The following GRIK1 variants were observed in gnomAD, a reference collection of about 807,000 sequenced individuals.
The protein encoded by GRIK1 is glutamate ionotropic receptor kainate type subunit 1.
Under a neutral mutation model 105.7 loss-of-function variants are expected in GRIK1, and 69 were observed. The ratio of observed to expected loss-of-function variants is 0.65; its 90% CI spans 0.54 to 0.80. The LOEUF (loss-of-function observed/expected upper bound fraction) is 0.80. Among genes scored for constraint, GRIK1 ranks in the 30% least tolerant of loss-of-function variants. The pLI is 0.00. For synonymous variants in GRIK1, 438 were observed against 431.3 expected (o/e 1.02, Z -0.19); for missense variants, 1,109 against 1,167.3 (o/e 0.95, Z 0.73).
At chr21:29,882,802 A>G (rs2069470656) in intron 1 of GRIK1, among the ~76,000 whole-genome samples, 1 of 152,056 alleles carries the variant, frequency 6.6e-6, no homozygotes, top group South Asian at 2.1e-4. Context: ...ATTCTTGTTT[A>G]TCCTTTAAGT....
intron 5 of GRIK1, among the ~76,000 whole-genome samples, chr21:29,652,507 C>A (rs1031664003): frequency 1.3e-5 from 2 of 152,178 alleles, no homozygotes; most frequent in African/African-American, 4.8e-5. Context: ...TAAGGGAACC[C>A]ATTCCCTTGC....
chr21:29,663,915 A>G (rs1467655418), intron 4 of GRIK1, among the ~76,000 whole-genome samples: 2 of 152,190 alleles, frequency 1.3e-5, no homozygotes, highest in Non-Finnish European at 2.9e-5. Context: ...AGAGAGATCA[A>G]TTATATTAGT....
At chr21:29,928,506 T>C (rs1301884077) in intron 1 of GRIK1, among the ~76,000 whole-genome samples, 1 of 152,136 alleles carries the variant, frequency 6.6e-6, no homozygotes, top group Admixed American at 6.5e-5. Flanking sequence ...CAATTGGCCA[T>C]TCAAAGTGCC....
At chr21:29,674,618 A>G (rs763610296) in intron 3 of GRIK1, among the ~76,000 whole-genome samples, 1 of 151,950 alleles carries the variant, frequency 6.6e-6, no homozygotes, top group Non-Finnish European at 1.5e-5. Flanking sequence ...AATTCTCATG[A>G]GATCTGATGG....
chr21:29,640,075 C>A (rs2062479637), intron 7 of GRIK1, among the ~76,000 whole-genome samples: 6 of 151,924 alleles, frequency 3.9e-5, no homozygotes, highest in African/African-American at 1.4e-4. Flanking sequence ...GTCTTCACCC[C>A]ATAAATTCAA....
At chr21:29,586,395 G>A (rs916868587) in intron 12 of GRIK1, among the ~76,000 whole-genome samples, 2 of 152,156 alleles carry the variant, frequency 1.3e-5, no homozygotes, top group African/African-American at 4.8e-5. Flanking sequence ...CAGGGAAAGA[G>A]TTACCTGGCA....
chr21:29,868,186 T>C (rs958777516), intron 1 of GRIK1, among the ~76,000 whole-genome samples: 5 of 152,204 alleles, frequency 3.3e-5, no homozygotes, highest in Non-Finnish European at 5.9e-5. Context: ...AAGCATTGTA[T>C]AGCTTCCAGA....
intron 1 of GRIK1, among the ~76,000 whole-genome samples, chr21:29,719,081 C>CATAT (rs71335089): frequency 0.49 from 69,662 of 143,058 alleles, 18,691 homozygotes; most frequent in Non-Finnish European, 0.6. Flanking sequence ...TGTGTATATA[C>CATAT]ATATATATAT....
At chr21:29,695,338 C>G (rs926543020) in intron 1 of GRIK1, among the ~76,000 whole-genome samples, 2 of 152,106 alleles carry the variant, frequency 1.3e-5, no homozygotes, top group Non-Finnish European at 2.9e-5. Flanking sequence ...CCTTGATTGA[C>G]CAATACTCCT....
intron 3 of GRIK1, among the ~76,000 whole-genome samples, chr21:29,684,656 C>T (rs186798886): frequency 3.3e-5 from 5 of 152,222 alleles, no homozygotes; most frequent in South Asian, 4.2e-4. Context: ...TACAGGCGCC[C>T]GCCACCACGC....
intron 1 of GRIK1, among the ~76,000 whole-genome samples, chr21:29,863,878 T>A (rs1037962246): frequency 6.6e-6 from 1 of 152,212 alleles, no homozygotes; most frequent in Admixed American, 6.5e-5. Flanking sequence ...AATTACATAC[T>A]TCTTCTCAAT....
intron 1 of GRIK1, among the ~76,000 whole-genome samples, chr21:29,826,420 T>A (rs2067459251): frequency 6.6e-6 from 1 of 152,108 alleles, no homozygotes; most frequent in African/African-American, 2.4e-5. Context: ...TCCATGGACT[T>A]TGAGTAAAGC....
At chr21:29,864,813 C>T (rs1052714293) in intron 1 of GRIK1, among the ~76,000 whole-genome samples, 6 of 152,140 alleles carry the variant, frequency 3.9e-5, no homozygotes, top group African/African-American at 7.2e-5. Context: ...TGGGACCTGA[C>T]GGACTTTACC....
At chr21:29,771,659 A>G (rs1195644864) in intron 1 of GRIK1, among the ~76,000 whole-genome samples, 1 of 152,198 alleles carries the variant, frequency 6.6e-6, no homozygotes, top group Non-Finnish European at 1.5e-5. Flanking sequence ...TGTTGATCTG[A>G]TTGGCTGCAC....
intron 7 of GRIK1, among the ~76,000 whole-genome samples, chr21:29,603,737 C>T (rs1423165891): frequency 1.3e-5 from 2 of 152,294 alleles, no homozygotes; most frequent in Non-Finnish European, 2.9e-5. Flanking sequence ...CTTACAATAT[C>T]TGTCTGAGAG....
In GRIK1 at chr21:29,708,966, A is replaced by G. The variant is rs113794875; in HGVS notation, c.119-14903T>C. ...TGTGTTTTCATAATTTAGTTCATTTAATCCATTTGAAATATCTTGACGTGT... is the reference window on the plus strand; with the variant it reads ...TGTGTTTTCATAATTTAGTTCATTTGATCCATTTGAAATATCTTGACGTGT... On this transcript the variant is annotated intron_variant, in intron 1 of 17. Transcript: ENST00000327783. Among the ~76,000 whole-genome samples the G allele has an allele frequency of 7.2e-3, 1,101 of 152,216 alleles. 15 individuals carry two copies. The highest frequency in any genetic ancestry group is 0.025 in the African/African-American group (1,056 of 41,532).
intron 1 of GRIK1, among the ~76,000 whole-genome samples, chr21:29,836,848 A>G (rs1192361991): frequency 6.6e-6 from 1 of 152,200 alleles, no homozygotes; most frequent in Non-Finnish European, 1.5e-5. Flanking sequence ...ATTCTCTTCT[A>G]TTAAAATGGG....
intron 1 of GRIK1, among the ~76,000 whole-genome samples, chr21:29,805,052 C>A (rs1395931585): frequency 2.0e-5 from 3 of 152,102 alleles, no homozygotes; most frequent in Non-Finnish European, 4.4e-5. Flanking sequence ...TTTCCTTTCT[C>A]ATGAGTTTCT....
intron 1 of GRIK1, among the ~76,000 whole-genome samples, chr21:29,938,987 C>A (rs950881817): frequency 2.6e-5 from 4 of 152,118 alleles, no homozygotes; most frequent in Admixed American, 6.5e-5. Flanking sequence ...TGCCAGGCAC[C>A]GGGACTGCGG....
Sources: gnomAD v4.1 joint callset for allele counts (sites outside exome capture counted in the v4.1 genomes callset) on GRCh38, gnomAD v4.1.1 for gene constraint, MANE v1.5 for transcripts, NCBI Gene and HGNC (gene_info 2026-07-23, HGNC 2026-07-21) for gene names.